ZNF521: variants seen among roughly 807,000 people sequenced by gnomAD.
ZNF521 encodes zinc finger protein 521.
In ZNF521, 14 loss-of-function variants were observed where a neutral mutation model predicts 105.5. The observed-to-expected ratio is 0.13, with a 90% confidence interval of 0.09 to 0.21. The LOEUF (loss-of-function observed/expected upper bound fraction) is 0.21. Among genes scored for constraint, ZNF521 ranks in the 10% least tolerant of loss-of-function variants. The pLI is 1.00. For synonymous variants in ZNF521, 635 were observed against 606.0 expected, an observed-to-expected ratio of 1.05 and a Z score of -0.70; for missense variants, 1,233 against 1,629.7, an observed-to-expected ratio of 0.76 and a Z score of 4.19.
At chr18:25,232,520 G>C (rs1307553065) in intron 3 of ZNF521, among the ~76,000 whole-genome samples, 1 of 152,170 alleles carries the variant, frequency 6.6e-6, no homozygotes, top group Non-Finnish European at 1.5e-5. Flanking sequence ...AATCTACAGT[G>C]CCTTAAGCTT....
chr18:25,091,927 T>C, intron 6 of ZNF521, 23 bp downstream of exon 6: 1 of 1,612,556 alleles, frequency 6.2e-7, no homozygotes, highest in Non-Finnish European at 8.5e-7. Context: ...CTCTCCTGTG[T>C]CTTCCTGAAA....
intron 2 of ZNF521, 121 bp from the exon 3 acceptor site, chr18:25,322,308 T>G (rs553200546): frequency 1.1e-6 from 1 of 949,182 alleles, no homozygotes; most frequent in African/African-American, 1.6e-5. Flanking sequence ...TAGGAGGGCT[T>G]CATTGCAGAT....
intron 4 of ZNF521, among the ~76,000 whole-genome samples, chr18:25,218,042 C>T (rs1011296401): frequency 3.3e-5 from 5 of 152,074 alleles, no homozygotes; most frequent in Admixed American, 6.6e-5. Flanking sequence ...AATTAAAGTG[C>T]TTCCAATTAT....
intron 7 of ZNF521, among the ~76,000 whole-genome samples, chr18:25,075,387 T>C (rs184096710): frequency 1.6e-4 from 25 of 152,326 alleles, no homozygotes; most frequent in African/African-American, 5.8e-4. Context: ...AGAGTCTGCA[T>C]TGTGGTGCTT....
chr18:25,224,328 T>C lies in ZNF521; in HGVS notation c.3573+17A>G. The C allele has an allele frequency of 2.5e-6, 4 of 1,593,612 alleles. No individual in the cohort carries two copies. In the African/African-American group the frequency reaches 5.4e-5, roughly 22 times the overall value. On this transcript the variant is annotated intron_variant, in intron 4 of 7. Coordinates refer to ENST00000361524, the MANE Select transcript of ZNF521 (RefSeq NM_015461.3). Reference sequence around the variant, plus strand: ...CTTGAGGAGGTTAAATAGCAAACATTAAAAAAGGCGAGTTACCTCATCCGA... The same window carrying C: ...CTTGAGGAGGTTAAATAGCAAACATCAAAAAAGGCGAGTTACCTCATCCGA...
intron 3 of ZNF521, among the ~76,000 whole-genome samples, chr18:25,247,571 T>C (rs2144829260): frequency 6.6e-6 from 1 of 152,340 alleles, no homozygotes; most frequent in East Asian, 1.9e-4. Flanking sequence ...TAGTATTTTT[T>C]TGAAGTTTCT....
chr18:25,120,831 T>C (rs2034425995), intron 5 of ZNF521, among the ~76,000 whole-genome samples: 1 of 152,196 alleles, frequency 6.6e-6, no homozygotes, highest in South Asian at 2.1e-4. Flanking sequence ...TCCCTTCTTC[T>C]CACTTTTGAA....
At chr18:25,153,237 T>C (rs1193887235) in intron 5 of ZNF521, among the ~76,000 whole-genome samples, 1 of 152,294 alleles carries the variant, frequency 6.6e-6, no homozygotes, top group South Asian at 2.1e-4. Flanking sequence ...GTAATTCACT[T>C]GGTCATGTAA....
intron 7 of ZNF521, among the ~76,000 whole-genome samples, chr18:25,077,192 G>C (rs937346768): frequency 6.6e-6 from 1 of 152,170 alleles, no homozygotes; most frequent in African/African-American, 2.4e-5. Context: ...GAATACAAGG[G>C]TCACATGGCA....
At chr18:25,209,742 T>C (rs891989949) in intron 4 of ZNF521, among the ~76,000 whole-genome samples, 1 of 152,236 alleles carries the variant, frequency 6.6e-6, no homozygotes. Context: ...ATTGAGCATT[T>C]TTCCTTTCTT....
chr18:25,191,542 C>T (rs904354252), intron 5 of ZNF521, among the ~76,000 whole-genome samples: 2 of 152,202 alleles, frequency 1.3e-5, no homozygotes, highest in African/African-American at 2.4e-5. Context: ...GGGATTTATG[C>T]GCTAGTTGCA....
intron 3 of ZNF521, among the ~76,000 whole-genome samples, chr18:25,237,533 C>T (rs966238331): frequency 6.6e-6 from 1 of 152,062 alleles, no homozygotes; most frequent in East Asian, 1.9e-4. Flanking sequence ...CCCCATGATA[C>T]CTCCACATAC....
At position 25,227,561 on chromosome 18, in the gene ZNF521, C is replaced by G. The variant is rs201946312; in HGVS notation, c.357G>C (p.Pro119=). ...EEEGGPGLPY[P]CQFCDKSFSR... ...TAAACGACTTGTCACAGAATTGACACGGGTATGGAAGCCCAGGGCCACCTT... is the reference window on the plus strand; with the variant it reads ...TAAACGACTTGTCACAGAATTGACAGGGGTATGGAAGCCCAGGGCCACCTT... Residue 119 remains proline, a synonymous_variant, in exon 4 of 8, where the codon CCG becomes CCC. Coordinates refer to ENST00000361524, the MANE Select transcript of ZNF521 (RefSeq NM_015461.3). This position sits in a 1 kb window ranked among gnomAD's most constrained non-coding sequence, Gnocchi z 5.7. 3 of 1,614,028 alleles carry G rather than the reference C, an allele frequency of 1.9e-6. No homozygotes were observed. Among genetic ancestry groups the G allele is most frequent in the African/African-American group, 2.7e-5 (2 of 74,904 alleles).
intron 3 of ZNF521, among the ~76,000 whole-genome samples, chr18:25,246,218 G>A (rs905242280): frequency 1.3e-5 from 2 of 151,572 alleles, no homozygotes; most frequent in African/African-American, 2.4e-5. Context: ...AGAGCTTAAA[G>A]TATAATAAAT....
chr18:25,096,221 T>C (rs1318268563), intron 5 of ZNF521, among the ~76,000 whole-genome samples: 2 of 152,222 alleles, frequency 1.3e-5, no homozygotes, highest in African/African-American at 4.8e-5. Context: ...GGAAAGCGTC[T>C]GCATACATAA....
intron 5 of ZNF521, among the ~76,000 whole-genome samples, chr18:25,189,233 C>A (rs60314546): frequency 0.02 from 3,107 of 152,152 alleles, 126 homozygotes; most frequent in African/African-American, 0.072. Context: ...AGCCTTGGTA[C>A]GTTCCTGTGG....
At chr18:25,237,421 T>C (rs999040062) in intron 3 of ZNF521, among the ~76,000 whole-genome samples, 2 of 152,124 alleles carry the variant, frequency 1.3e-5, no homozygotes, top group Non-Finnish European at 2.9e-5. Flanking sequence ...CATATTTTTA[T>C]TAAATTATAT....
At position 25,226,818 on chromosome 18, in the gene ZNF521, C is replaced by A. The variant is rs781506159; in HGVS notation, c.1100G>T (p.Ser367Ile). The A allele has an allele frequency of 1.9e-6, 3 of 1,614,062 alleles. No homozygotes were observed. The highest frequency in any genetic ancestry group is 2.5e-6 in the Non-Finnish European group (3 of 1,180,010). ...TTPDSNLSVD[S>I]STMVEAAPPI... ...CGGGGCAGCTTCCACCATGGTTGAG[C>A]TGTCCACTGAGAGGTTGGAATCTGG... The change falls in exon 4 of 8, where the codon AGC (serine) becomes ATC (isoleucine). Residue 367 changes from serine to isoleucine, a missense_variant. Coordinates refer to ENST00000361524, the MANE Select transcript of ZNF521 (RefSeq NM_015461.3). This position sits in a 1 kb window ranked among gnomAD's most constrained non-coding sequence, Gnocchi z 4.1.
intron 2 of ZNF521, among the ~76,000 whole-genome samples, chr18:25,324,526 C>G (rs992409023): frequency 1.3e-5 from 2 of 152,174 alleles, no homozygotes; most frequent in African/African-American, 4.8e-5. Flanking sequence ...AATTGACCCC[C>G]ACACCATTAA....
Sources: allele counts gnomAD v4.1 joint callset (sites outside exome capture counted in the v4.1 genomes callset), GRCh38; gene constraint gnomAD v4.1.1; non-coding constraint Gnocchi (gnomAD v3.1); transcripts MANE v1.5; gene names NCBI Gene and HGNC (gene_info 2026-07-23, HGNC 2026-07-21).